The following USP8 variants were observed in gnomAD, a reference collection of about 807,000 sequenced individuals.
USP8 encodes the protein ubiquitin specific peptidase 8.
Under a neutral mutation model 130.0 loss-of-function variants are expected in USP8, and 27 were observed. The ratio of observed to expected loss-of-function variants is 0.21; its 90% CI spans 0.15 to 0.29. USP8 has a LOEUF of 0.29. USP8 is among the 10% of genes least tolerant of loss of function. USP8 has a pLI of 1.00. For missense variants in USP8, 1,029 were observed against 1,312.2 expected (o/e 0.78, Z 3.33); for synonymous variants, 392 against 444.1 (o/e 0.88, Z 1.48).
At chr15:50,468,871 C>G (rs1566866391) in intron 7 of USP8, among the ~76,000 whole-genome samples, 1 of 152,116 alleles carries the variant, frequency 6.6e-6, no homozygotes. Context: ...ACTGAATGCA[C>G]CCACTTAATT....
Position 50,424,421 on chromosome 15 carries a change from C to T in USP8, c.-159C>T, listed in dbSNP as rs1451441167. The T allele has an allele frequency of 2.5e-6, 1 of 398,714 alleles. No individual in the cohort carries two copies. The highest frequency in any genetic ancestry group is 4.4e-6 in the Non-Finnish European group (1 of 226,092). The allele number at this position is 398,714 out of a possible 1,614,324, so 24.7% of individuals were successfully genotyped here. A position where few individuals can be genotyped will look rare whatever the true frequency, so the allele number is the denominator to read the frequency against. On this transcript the variant is annotated 5_prime_UTR_variant, in exon 1 of 20. Transcript: ENST00000307179. Reference sequence around the variant, plus strand: ...AAAGGGGGTGAGCTGGGCTGGCTTCCGTCCTGGTAGCCAAGGCTAATTCTC... The same window carrying T: ...AAAGGGGGTGAGCTGGGCTGGCTTCTGTCCTGGTAGCCAAGGCTAATTCTC...
chr15:50,435,928 A>G (rs2050078419), intron 1 of USP8, among the ~76,000 whole-genome samples: 1 of 152,134 alleles, frequency 6.6e-6, no homozygotes, highest in African/African-American at 2.4e-5. Flanking sequence ...AAGTCCTGTC[A>G]TTCTACCTTT....
At chr15:50,481,436 C>T (rs1272774666) in intron 10 of USP8, 45 bp from the exon 11 acceptor site, 1 of 1,391,716 alleles carries the variant, frequency 7.2e-7, no homozygotes, top group Non-Finnish European at 9.5e-7. Context: ...GAGGTTATTT[C>T]CTGATTTTTG....
At chr15:50,452,844 A>G (rs187529398) in intron 4 of USP8, among the ~76,000 whole-genome samples, 4 of 152,290 alleles carry the variant, frequency 2.6e-5, no homozygotes. Flanking sequence ...TTTTTGTGCT[A>G]TTATTTTCGT....
At chr15:50,432,744 A>G (rs1322149220) in intron 1 of USP8, among the ~76,000 whole-genome samples, 1 of 152,186 alleles carries the variant, frequency 6.6e-6, no homozygotes, top group African/African-American at 2.4e-5. Flanking sequence ...AGCAGTACCT[A>G]ACCTTACTAT....
Position 50,499,389 on chromosome 15 carries a change from T to C in USP8, c.*301T>C, listed in dbSNP as rs370494701. 2 of 56,440 alleles carry C rather than the reference T, an allele frequency of 3.5e-5. No homozygotes were observed. The highest frequency in any genetic ancestry group is 2.9e-4 in the Admixed American group (1 of 3,398). 3.5% of individuals were successfully genotyped at this position (56,440 alleles called of 1,614,324 possible). A position where few individuals can be genotyped will look rare whatever the true frequency, so the allele number is the denominator to read the frequency against. Reference sequence around the variant, plus strand: ...GACTGGTCTAAAAACTATTGTTATCTTTTTTTTTTCCTTTTCACTGTTATG... The same window carrying C: ...GACTGGTCTAAAAACTATTGTTATCCTTTTTTTTTCCTTTTCACTGTTATG... On this transcript the variant is annotated 3_prime_UTR_variant, in exon 20 of 20. Coordinates refer to ENST00000307179, the MANE Select transcript of USP8 (RefSeq NM_005154.5).
At chr15:50,457,751 C>G (rs1406250673) in intron 4 of USP8, among the ~76,000 whole-genome samples, 1 of 150,718 alleles carries the variant, frequency 6.6e-6, no homozygotes, top group Admixed American at 6.6e-5. Flanking sequence ...GTCCCAGCTA[C>G]TCAGGAGGCT....
intron 7 of USP8, 62 bp from the exon 8 acceptor site, chr15:50,471,571 C>G (rs1439727987): frequency 1.3e-6 from 2 of 1,554,724 alleles, no homozygotes; most frequent in Non-Finnish European, 1.7e-6. Context: ...TGAGTGTCTT[C>G]TGTTAGTATA....
At position 50,500,737 on chromosome 15, in the gene USP8, A is replaced by C. The variant is rs1208595461; in HGVS notation, c.*1649A>C. 1 of 1,562,244 alleles carries C rather than the reference A, an allele frequency of 6.4e-7. No homozygotes were observed. The highest frequency in any genetic ancestry group is 2.3e-5 in the East Asian group (1 of 42,706). On this transcript the variant is annotated 3_prime_UTR_variant, in exon 20 of 20. Transcript: ENST00000307179. ...AGCATTTTGAACAGAAGTATCTGGA[A>C]TCTCACTGACTCGTGTGTTATCAAA... is the stretch of plus-strand genomic sequence containing the variant.
chr15:50,457,226 T>TA (rs779050082), intron 4 of USP8, among the ~76,000 whole-genome samples: 39 of 152,192 alleles, frequency 2.6e-4, no homozygotes, highest in Non-Finnish European at 4.7e-4. Flanking sequence ...TTTATCTGTT[T>TA]ATTTAGAAAT....
intron 3 of USP8, among the ~76,000 whole-genome samples, chr15:50,448,795 C>T (rs538464717): frequency 6.6e-6 from 1 of 152,256 alleles, no homozygotes; most frequent in African/African-American, 2.4e-5. Flanking sequence ...TCTGGGATTA[C>T]AGGTTTGAGC....
intron 2 of USP8, 112 bp downstream of exon 2, chr15:50,439,289 G>A (rs933941947): frequency 2.3e-5 from 15 of 665,928 alleles, no homozygotes; most frequent in Non-Finnish European, 3.4e-5. Context: ...ACCATCACAC[G>A]AATAAAGTAG....
intron 3 of USP8, among the ~76,000 whole-genome samples, chr15:50,447,606 G>A (rs546017326): frequency 2.7e-5 from 4 of 150,140 alleles, no homozygotes; most frequent in East Asian, 3.9e-4. Context: ...CTTGTTGCCC[G>A]GGGTAGAGTA....
At chr15:50,482,098 T>G in intron 11 of USP8, 33 bp downstream of exon 11, 1 of 1,454,328 alleles carries the variant, frequency 6.9e-7, no homozygotes, top group Non-Finnish European at 9.1e-7. Context: ...GCCAACGAAG[T>G]GAAAGAAAAT....
chr15:50,436,415 A>G (rs1301838331), intron 1 of USP8, among the ~76,000 whole-genome samples: 1 of 152,102 alleles, frequency 6.6e-6, no homozygotes, highest in Admixed American at 6.6e-5. Context: ...TAATATTTGT[A>G]ACTCTATAGT....
intron 8 of USP8, among the ~76,000 whole-genome samples, chr15:50,476,017 A>C (rs2051556596): frequency 6.6e-6 from 1 of 152,198 alleles, no homozygotes; most frequent in Non-Finnish European, 1.5e-5. Context: ...GTTTTCCTTA[A>C]GGAGGTGACT....
intron 7 of USP8, chr15:50,466,884 A>C (rs915015469): frequency 2.5e-6 from 1 of 402,422 alleles, no homozygotes; most frequent in African/African-American, 2.1e-5. Flanking sequence ...AAAGAATCTC[A>C]AAGTGAAAGG....
chr15:50,469,559 T>C (rs1317170533), intron 7 of USP8, among the ~76,000 whole-genome samples: 1 of 152,194 alleles, frequency 6.6e-6, no homozygotes, highest in Non-Finnish European at 1.5e-5. Flanking sequence ...GAGAGGATAT[T>C]AGTAGACAAT....
In USP8 at chr15:50,462,292, A is replaced by G. The variant is rs1334060411; in HGVS notation, c.511A>G (p.Lys171Glu). 6.2e-7 allele frequency: 1 copy of G among 1,602,894 alleles called. No individual in the cohort carries two copies. The highest frequency in any genetic ancestry group is 1.3e-5 in the African/African-American group (1 of 74,104). Residue 171 changes from lysine (K) to glutamate (E), a missense_variant, in exon 6 of 20, where the codon AAG becomes GAG. Physicochemically the swap from Lys to Glu is moderately conservative, Grantham distance 56. Coordinates refer to ENST00000307179, the MANE Select transcript of USP8 (RefSeq NM_005154.5). ...TCCTATGCAATAGAGCAATGGTGAA[A>G]AGAATGAAAAATGTGAGACCAAAGA... ...KDKTQKSNGEKNEKCETKEKG... is the reference protein window; with the variant it reads ...KDKTQKSNGEENEKCETKEKG...
Sources: allele counts gnomAD v4.1 joint callset (sites outside exome capture counted in the v4.1 genomes callset), GRCh38; gene constraint gnomAD v4.1.1; transcripts MANE v1.5; gene names NCBI Gene and HGNC (gene_info 2026-07-23, HGNC 2026-07-21).